RIMKLA: variants seen among roughly 807,000 people sequenced by gnomAD.
RIMKLA encodes the protein N-acetylaspartylglutamate synthase A.
RIMKLA carries 14 observed loss-of-function variants against 32.7 expected under a neutral mutation model. The observed-to-expected ratio is 0.43, with a 90% CI of 0.28 to 0.67. The LOEUF (loss-of-function observed/expected upper bound fraction) is 0.67, where lower values mean the gene tolerates loss of function less well. Among genes scored for constraint, RIMKLA ranks in the 30% least tolerant of loss-of-function variants. The pLI is 0.18. For missense variants in RIMKLA, 410 were observed against 519.0 expected (o/e 0.79, Z 2.04); for synonymous variants, 176 against 204.1 (o/e 0.86, Z 1.18).
chr1:42,386,896 T>C (rs1289983796), intron 1 of RIMKLA, among the ~76,000 whole-genome samples: 2 of 143,202 alleles, frequency 1.4e-5, no homozygotes, highest in African/African-American at 5.2e-5. Context: ...AATAAATAAA[T>C]AAATAAATAA....
In RIMKLA at chr1:42,419,624, C is replaced by G. The variant is rs1355573022; in HGVS notation, c.*4650C>G. On this transcript the variant is annotated 3_prime_UTR_variant, in exon 5 of 5. Transcript: ENST00000431473. The stretch of plus-strand genomic sequence containing the variant: ...CTGGGCCTACCCTCCGCCTCCTCCC[C>G]TTCTGATGAGCCTCTGTTCTGGATC... 29 of 152,370 alleles carry G rather than the reference C, an allele frequency of 1.9e-4. No homozygotes were observed. The highest frequency in any genetic ancestry group is 1.9e-3 in the Admixed American group (29 of 15,292). The allele number at this position is 152,370 out of a possible 1,614,324, so 9.4% of individuals were successfully genotyped here. A position where few individuals can be genotyped will look rare whatever the true frequency, so the allele number is the denominator to read the frequency against.
intron 3 of RIMKLA, among the ~76,000 whole-genome samples, chr1:42,404,952 A>G (rs901500167): frequency 6.6e-6 from 1 of 152,138 alleles, no homozygotes; most frequent in Non-Finnish European, 1.5e-5. Context: ...CAGAGTCCAT[A>G]TTCCTCATCA....
chr1:42,407,146 T>C (rs1400008582), intron 3 of RIMKLA, among the ~76,000 whole-genome samples: 1 of 152,152 alleles, frequency 6.6e-6, no homozygotes, highest in Non-Finnish European at 1.5e-5. Flanking sequence ...ACTCAAGCCA[T>C]CCACCCACCG....
At chr1:42,390,931 G>A (rs1040344194) in intron 1 of RIMKLA, among the ~76,000 whole-genome samples, 2 of 152,288 alleles carry the variant, frequency 1.3e-5, no homozygotes, top group South Asian at 2.1e-4. Flanking sequence ...AGTGATCATG[G>A]TGCTTGACTA....
chr1:42,394,165 C>G (rs1314554804), intron 1 of RIMKLA, among the ~76,000 whole-genome samples: 1 of 152,228 alleles, frequency 6.6e-6, no homozygotes, highest in Non-Finnish European at 1.5e-5. Context: ...TGATCCTGCT[C>G]AAATATAATG....
chr1:42,414,477 C>T lies in RIMKLA; in HGVS notation c.686-7C>T. On this transcript the variant is annotated splice_region_variant and splice_polypyrimidine_tract_variant and intron_variant, in intron 4 of 4. Coordinates refer to ENST00000431473, the MANE Select transcript of RIMKLA (RefSeq NM_173642.4). The stretch of plus-strand genomic sequence containing the variant: ...GTCACCTTTACATCACTGTGCTTTC[C>T]CCACAGGTGGCGTGGGCGTCAAGTG... 4 of 1,613,252 alleles carry T rather than the reference C, an allele frequency of 2.5e-6. No individual in the cohort carries two copies. The highest frequency in any genetic ancestry group is 3.3e-4 in the Middle Eastern group (2 of 6,052).
intron 2 of RIMKLA, among the ~76,000 whole-genome samples, chr1:42,404,087 A>G (rs1643124087): frequency 6.6e-6 from 1 of 152,152 alleles, no homozygotes; most frequent in South Asian, 2.1e-4. Context: ...ACCAAGGATC[A>G]TCTCCCTTTC....
At chr1:42,405,493 A>G (rs1279675190) in intron 3 of RIMKLA, among the ~76,000 whole-genome samples, 1 of 152,148 alleles carries the variant, frequency 6.6e-6, no homozygotes, top group Non-Finnish European at 1.5e-5. Flanking sequence ...CCTCATCGGG[A>G]TACCCAGGTG....
At chr1:42,396,236 CAAAAAAAAAAAAA>C (rs11363612) in intron 1 of RIMKLA, among the ~76,000 whole-genome samples, 2 of 60,908 alleles carry the variant, frequency 3.3e-5, no homozygotes, top group African/African-American at 7.3e-5. Context: ...AACTCCATCT[CAAAAAAAAAAAAA>C]AAAAAAAAAA....
chr1:42,416,272 A>C lies in RIMKLA; in HGVS notation c.*1298A>C, dbSNP rs925216180. On this transcript the variant is annotated 3_prime_UTR_variant, in exon 5 of 5. Coordinates refer to ENST00000431473, the MANE Select transcript of RIMKLA (RefSeq NM_173642.4). ...CAAATACACTAGAACATATGCACTC[A>C]AGAGTTAGCATAATTGGAGTTATTT... 6.6e-6 allele frequency: 1 copy of C among 152,188 alleles called. No homozygotes were observed. Among genetic ancestry groups the C allele is most frequent in the African/African-American group, 2.4e-5 (1 of 41,434 alleles). 9.4% of individuals were successfully genotyped at this position (152,188 alleles called of 1,614,324 possible).
At chr1:42,409,250 C>CAAAAGTGT in intron 3 of RIMKLA, among the ~76,000 whole-genome samples, 1 of 112,168 alleles carries the variant, frequency 8.9e-6, no homozygotes, top group Non-Finnish European at 1.8e-5. Flanking sequence ...TAAATAATTA[C>CAAAAGTGT]AAAAGTGTAG....
chr1:42,388,206 G>T (rs1258667133), intron 1 of RIMKLA, among the ~76,000 whole-genome samples: 1 of 152,030 alleles, frequency 6.6e-6, no homozygotes, highest in African/African-American at 2.4e-5. Flanking sequence ...TCCACTGAAG[G>T]ATATTTTTTG....
chr1:42,397,798 CA>C (rs1643061031), intron 1 of RIMKLA, among the ~76,000 whole-genome samples: 1 of 152,020 alleles, frequency 6.6e-6, no homozygotes, highest in Admixed American at 6.6e-5. Flanking sequence ...TAGAGCAGAC[CA>C]AGTATAATTC....
In RIMKLA at chr1:42,421,439, A is replaced by G. The variant is rs958259643; in HGVS notation, c.*6465A>G. 5 of 152,328 alleles carry G rather than the reference A, an allele frequency of 3.3e-5. No homozygotes were observed. The highest frequency in any genetic ancestry group is 9.7e-5 in the African/African-American group (4 of 41,436). The allele number at this position is 152,328 out of a possible 1,614,324, so 9.4% of individuals were successfully genotyped here. A position where few individuals can be genotyped will look rare whatever the true frequency, so the allele number is the denominator to read the frequency against. On this transcript the variant is annotated 3_prime_UTR_variant, in exon 5 of 5. Coordinates refer to ENST00000431473, the MANE Select transcript of RIMKLA (RefSeq NM_173642.4). The surrounding 1 kb of genome is among the most constrained non-coding windows in gnomAD (Gnocchi z 4.6). ...CTGATAGTCTGACAGCACCATCTGG[A>G]CTTGGCAGGGATGACAGCCCTGAGA...
intron 4 of RIMKLA, among the ~76,000 whole-genome samples, chr1:42,411,180 A>T (rs11577362): frequency 0.4 from 60,984 of 150,706 alleles, 12,801 homozygotes; most frequent in Middle Eastern, 0.55. Flanking sequence ...TTTTTTTTTT[A>T]AAGTTAGCCA....
intron 3 of RIMKLA, among the ~76,000 whole-genome samples, chr1:42,409,201 C>CAAAAAAAAAAA (rs59543497): frequency 1.4e-4 from 9 of 64,494 alleles, no homozygotes; most frequent in African/African-American, 4.0e-4. Context: ...GACTCTGTCT[C>CAAAAAAAAAAA]AAAAAAAAAA....
chr1:42,380,906 G>A lies in RIMKLA; in HGVS notation c.-29G>A. Reference sequence around the variant, plus strand: ...CGGCCCGGGGCGCCGAGGGGTCCGCGCCGCGCGGGGCGCACCGCCCTGGCC... The same window carrying A: ...CGGCCCGGGGCGCCGAGGGGTCCGCACCGCGCGGGGCGCACCGCCCTGGCC... On this transcript the variant is annotated 5_prime_UTR_variant, in exon 1 of 5. Transcript: ENST00000431473. The A allele has an allele frequency of 7.6e-7, 1 of 1,309,040 alleles. No homozygotes were observed. Among genetic ancestry groups the A allele is most frequent in the African/African-American group, 1.5e-5 (1 of 65,222 alleles). The allele number at this position is 1,309,040 out of a possible 1,614,324, so 81.1% of individuals were successfully genotyped here.
At chr1:42,412,504 A>G (rs749936087) in intron 4 of RIMKLA, 1 of 424,190 alleles carries the variant, frequency 2.4e-6, no homozygotes, top group Non-Finnish European at 4.6e-6. Flanking sequence ...AGTGAAACCA[A>G]ACTGATGGAA....
At chr1:42,398,246 C>G (rs569429410) in intron 1 of RIMKLA, among the ~76,000 whole-genome samples, 2 of 152,270 alleles carry the variant, frequency 1.3e-5, no homozygotes, top group South Asian at 2.1e-4. Context: ...GCACTGAAGC[C>G]CTTCAGAAAC....
Sources: allele counts gnomAD v4.1 joint callset (sites outside exome capture counted in the v4.1 genomes callset), GRCh38; gene constraint gnomAD v4.1.1; non-coding constraint Gnocchi (gnomAD v3.1); transcripts MANE v1.5; gene names NCBI Gene and HGNC (gene_info 2026-07-23, HGNC 2026-07-21).